The following MYH6 variants were observed in gnomAD, a reference collection of about 807,000 sequenced individuals.
MYH6 encodes the protein myosin-6.
A neutral mutation model predicts 223.2 loss-of-function variants in MYH6; 126 were observed. The observed-to-expected ratio is 0.56, with a 90% CI of 0.49 to 0.65. The LOEUF (loss-of-function observed/expected upper bound fraction) is 0.65. Ranked by LOEUF, MYH6 falls within the 30% of genes least tolerant of loss-of-function variation. The pLI, the probability that MYH6 is intolerant of heterozygous loss-of-function variation, is 0.00. For synonymous variants in MYH6, 978 were observed against 1,010.2 expected (o/e 0.97, Z 0.61); for missense variants, 2,040 against 2,536.4 (o/e 0.80, Z 4.20).
chr14:23,387,191 C>T (rs1322639944), intron 32 of MYH6, among the ~76,000 whole-genome samples: 1 of 152,166 alleles, frequency 6.6e-6, no homozygotes, highest in Non-Finnish European at 1.5e-5. Context: ...CCCAACGCTG[C>T]AGTGAAAGTC....
rs200235378 is a variant in MYH6 at position 23,400,292 on chromosome 14, G to A, written c.1545C>T (p.Gly515=). Residue 515 remains glycine, a synonymous_variant, in exon 14 of 39, where the codon GGC becomes GGT. Coordinates refer to ENST00000405093, the MANE Select transcript of MYH6 (RefSeq NM_002471.4). ...GGTCAATGCAGGCCTGCAGGTCCATGCCAAAGTCAATGAATGTCCACTCAA... is the reference window on the plus strand; with the variant it reads ...GGTCAATGCAGGCCTGCAGGTCCATACCAAAGTCAATGAATGTCCACTCAA... The part of the protein sequence containing the change: ...EGIEWTFIDF[G]MDLQACIDLI... 8 of 1,614,248 alleles carry A rather than the reference G, an allele frequency of 5.0e-6. No individual in the cohort carries two copies. Among genetic ancestry groups the A allele is most frequent in the Middle Eastern group, 3.3e-4 (2 of 6,062 alleles).
intron 12 of MYH6, 40 bp from the exon 13 acceptor site, chr14:23,401,017 T>G: frequency 2.5e-6 from 4 of 1,604,288 alleles, no homozygotes; most frequent in East Asian, 2.2e-5. Context: ...CTTCCTTTTT[T>G]TTTTTTTAAG....
chr14:23,400,784 G>T lies in MYH6; in HGVS notation c.1335C>A (p.Asn445Lys). The change falls in exon 13 of 39, where the codon AAC becomes AAA. Residue 445 changes from asparagine to lysine, a missense_variant. This residue lies in a region of MYH6 where 649 missense variants were observed against 877.3 expected (regional missense o/e 0.74). Transcript: ENST00000405093. ...GTGGCTGCTTGGTCTCCAGGGTGGCGTTGATGCGCGTCACCATCCAGTTGA... is the reference window on the plus strand; with the variant it reads ...GTGGCTGCTTGGTCTCCAGGGTGGCTTTGATGCGCGTCACCATCCAGTTGA... ...KMFNWMVTRINATLETKQPRQ... is the reference protein window; with the variant it reads ...KMFNWMVTRIKATLETKQPRQ... The T allele has an allele frequency of 6.2e-7, 1 of 1,614,240 alleles. No individual in the cohort carries two copies. The highest frequency in any genetic ancestry group is 8.5e-7 in the Non-Finnish European group (1 of 1,180,048).
rs763445671 is a variant in MYH6 at position 23,404,698 on chromosome 14, T to A, written c.642+13A>T. ...CAACCCCTGTTCTGCCGAGCCTGTG[T>A]CCCCCATGGCACCTTGTTCGCATTG... On this transcript the variant is annotated intron_variant, in intron 7 of 38. Coordinates refer to ENST00000405093, the MANE Select transcript of MYH6 (RefSeq NM_002471.4). The A allele has an allele frequency of 6.2e-7, 1 of 1,611,822 alleles. No homozygotes were observed.
rs746861626 is a variant in MYH6, at chr14:23,390,159, G to A, written c.3630C>T (p.Asp1210=). ...DSVAELGEQI[D]NLQRVKQKLE... ...GCTTCTGCTTCACCCGCTGCAGGTT[G>A]TCGATCTGCTCGCCCAGCTCGGCCA... The change falls in exon 26 of 39, where the codon GAC becomes GAT. Residue 1210 remains aspartate, a synonymous_variant. Transcript: ENST00000405093. The A allele has an allele frequency of 1.2e-6, 2 of 1,610,258 alleles. No homozygotes were observed. Among genetic ancestry groups the A allele is most frequent in the South Asian group, 1.1e-5 (1 of 90,948 alleles).
In MYH6 at chr14:23,383,338, GGA is replaced by G; in HGVS notation, c.5566-20_5566-19del. 1 of 421,644 alleles carries G rather than the reference GGA, an allele frequency of 2.4e-6. No homozygotes were observed. Among genetic ancestry groups the G allele is most frequent in the Non-Finnish European group, 4.8e-6 (1 of 206,216 alleles). The allele number at this position is 421,644 out of a possible 1,614,324, so 26.1% of individuals were successfully genotyped here. On this transcript the variant is annotated intron_variant, in intron 36 of 38. Coordinates refer to ENST00000405093, the MANE Select transcript of MYH6 (RefSeq NM_002471.4). ...TCCTCTGTCTGGGGGTGGGAGGGTG[GGA>G]GAAGCTGGTTTGGAGGGGGAGCAAA...
chr14:23,383,339 G>GGGGCCCCCCCCCCC lies in MYH6; in HGVS notation c.5566-20_5566-19insGGGGGGGGGGGCCC. 2 of 108,186 alleles carry GGGGCCCCCCCCCCC rather than the reference G, an allele frequency of 1.8e-5. No homozygotes were observed. Among genetic ancestry groups the GGGGCCCCCCCCCCC allele is most frequent in the Non-Finnish European group, 3.7e-5 (2 of 54,374 alleles). 6.7% of individuals were successfully genotyped at this position (108,186 alleles called of 1,614,324 possible). ...CCTCTGTCTGGGGGTGGGAGGGTGGGAGAAGCTGGTTTGGAGGGGGAGCAA... is the reference window on the plus strand; with the variant it reads ...CCTCTGTCTGGGGGTGGGAGGGTGGGGGGCCCCCCCCCCCAGAAGCTGGTTTGGAGGGGGAGCAA... On this transcript the variant is annotated intron_variant, in intron 36 of 38. Coordinates refer to ENST00000405093, the MANE Select transcript of MYH6 (RefSeq NM_002471.4).
In MYH6 at chr14:23,386,595, A is replaced by C; in HGVS notation, c.4679T>G (p.Ile1560Ser). ...GTTGAACTCTAGCTGGGCCCGGAGGATCTTGCCCTCCTCGTGCTCCAGGGA... is the reference window on the plus strand; with the variant it reads ...GTTGAACTCTAGCTGGGCCCGGAGGCTCTTGCCCTCCTCGTGCTCCAGGGA... ...EASLEHEEGK[I>S]LRAQLEFNQI... is the part of the protein sequence containing the mutation. The change falls in exon 33 of 39, where the codon ATC (isoleucine) becomes AGC (serine). Residue 1560 changes from isoleucine to serine, a missense_variant. Coordinates refer to ENST00000405093, the MANE Select transcript of MYH6 (RefSeq NM_002471.4). 1 of 1,607,972 alleles carries C rather than the reference A, an allele frequency of 6.2e-7. No homozygotes were observed. Among genetic ancestry groups the C allele is most frequent in the Non-Finnish European group, 8.5e-7 (1 of 1,175,952 alleles).
chr14:23,392,808 A>G (rs2138597053), intron 24 of MYH6, 104 bp downstream of exon 24: 2 of 1,551,918 alleles, frequency 1.3e-6, no homozygotes, highest in East Asian at 2.2e-5. Flanking sequence ...CCTTATTCCC[A>G]GCATACCCAA....
intron 10 of MYH6, among the ~76,000 whole-genome samples, chr14:23,403,049 G>A (rs1241752573): frequency 2.0e-5 from 3 of 151,818 alleles, no homozygotes; most frequent in Non-Finnish European, 2.9e-5. Context: ...GGGTGGCAGG[G>A]GAGTGACACA....
Position 23,392,663 on chromosome 14 carries a change from A to AGGGG in MYH6, c.3252-12_3252-11insCCCC. On this transcript the variant is annotated splice_polypyrimidine_tract_variant and intron_variant, in intron 24 of 38. Transcript: ENST00000405093. ...ATGTCAAACTCCTTCCTGCAGGAGA[A>AGGGG]GGGTGGGGGTGGGGGAGTGACAGGT... The AGGGG allele has an allele frequency of 1.9e-6, 1 of 521,850 alleles. No individual in the cohort carries two copies. Among genetic ancestry groups the AGGGG allele is most frequent in the Admixed American group, 3.2e-5 (1 of 31,424 alleles). 32.3% of individuals were successfully genotyped at this position (521,850 alleles called of 1,614,324 possible). A position where few individuals can be genotyped will look rare whatever the true frequency, so the allele number is the denominator to read the frequency against.
At position 23,405,002 on chromosome 14, in the gene MYH6, C is replaced by A. The variant is rs561861631; in HGVS notation, c.530+98G>T. On this transcript the variant is annotated intron_variant, in intron 6 of 38. Transcript: ENST00000405093. This position sits in a 1 kb window ranked among gnomAD's most constrained non-coding sequence, Gnocchi z 4.7. ...AGAGCTCAGTGCCCCATGCTCCCTG[C>A]AATCCCAGCCTTAAACCTCTCCTCC... The A allele has an allele frequency of 4.4e-5, 70 of 1,583,104 alleles. No individual in the cohort carries two copies. The African/African-American group carries it at 7.9e-4, about 18-fold the overall frequency.
rs776140000 is a variant in MYH6, at chr14:23,392,989, C to T, written c.3174G>A (p.Glu1058=). The part of the protein sequence containing the change: ...MDLERAKRKL[E]GDLKLTQESI... ...TCTCCTGGGTCAGCTTCAGGTCGCCCTCCAGTTTCCGCTTTGCTCGCTCCA... is the reference window on the plus strand; with the variant it reads ...TCTCCTGGGTCAGCTTCAGGTCGCCTTCCAGTTTCCGCTTTGCTCGCTCCA... The change falls in exon 24 of 39, where the codon GAG becomes GAA. Residue 1058 remains glutamate (E), a synonymous_variant. Coordinates refer to ENST00000405093, the MANE Select transcript of MYH6 (RefSeq NM_002471.4). The T allele has an allele frequency of 1.9e-6, 3 of 1,614,102 alleles. No individual in the cohort carries two copies. Among genetic ancestry groups the T allele is most frequent in the African/African-American group, 1.3e-5 (1 of 74,916 alleles).
At position 23,394,117 on chromosome 14, in the gene MYH6, A is replaced by G. The variant is rs1891323422; in HGVS notation, c.2636T>C (p.Met879Thr). 1 of 1,614,042 alleles carries G rather than the reference A, an allele frequency of 6.2e-7. No individual in the cohort carries two copies. Among genetic ancestry groups the G allele is most frequent in the African/African-American group, 1.3e-5 (1 of 74,910 alleles). ...ATTCTTCTCCTGCAGCAGGGACACC[A>G]TCTTCTCCTCCAGCTCCTTGCGGCG... Reference protein sequence around the residue: ...EARRKELEEKMVSLLQEKNDL... With the variant: ...EARRKELEEKTVSLLQEKNDL... The change falls in exon 21 of 39, where the codon ATG becomes ACG. Residue 879 changes from methionine (M) to threonine (T), a missense_variant. This residue lies in a region of MYH6 where 1,203 missense variants were observed against 1,400.2 expected (regional missense o/e 0.86). Coordinates refer to ENST00000405093, the MANE Select transcript of MYH6 (RefSeq NM_002471.4).
At position 23,388,812 on chromosome 14, in the gene MYH6, G is replaced by T. The variant is rs373553416; in HGVS notation, c.4175+47C>A. On this transcript the variant is annotated intron_variant, in intron 29 of 38. Transcript: ENST00000405093. The stretch of plus-strand genomic sequence containing the variant: ...GCCTGTCCCCACCCCAGGTCCTCTC[G>T]CCCCTTCCTCTCTGAGAGTCAGGTT... 9.3e-6 allele frequency: 15 copies of T among 1,613,356 alleles called. No homozygotes were observed. In the African/African-American group the frequency reaches 1.1e-4, roughly 11 times the overall value.
intron 34 of MYH6, 143 bp from the exon 35 acceptor site, chr14:23,385,184 C>T (rs1890984369): frequency 2.0e-6 from 2 of 981,560 alleles, no homozygotes; most frequent in South Asian, 1.4e-5. Flanking sequence ...CGTTTTGTAC[C>T]TGCTTTCCCT....
chr14:23,386,746 G>A, intron 32 of MYH6, 123 bp from the exon 33 acceptor site: 1 of 1,266,876 alleles, frequency 7.9e-7, no homozygotes, highest in Non-Finnish European at 1.1e-6. Flanking sequence ...GAAGAGATGG[G>A]GAGGTGGGAT....
chr14:23,382,340 G>C, intron 38 of MYH6, 88 bp downstream of exon 38: 1 of 1,582,768 alleles, frequency 6.3e-7, no homozygotes, highest in South Asian at 1.1e-5. Context: ...CCTACATATA[G>C]GGCAAGCAGT....
At chr14:23,398,155 C>A (rs1891486629) in intron 15 of MYH6, among the ~76,000 whole-genome samples, 1 of 151,930 alleles carries the variant, frequency 6.6e-6, no homozygotes, top group Non-Finnish European at 1.5e-5. Flanking sequence ...GTGGCTGGGA[C>A]TACAGGCAGG....
Sources: allele counts gnomAD v4.1 joint callset (sites outside exome capture counted in the v4.1 genomes callset), GRCh38; gene constraint gnomAD v4.1.1; regional missense constraint gnomAD v4.1.1; non-coding constraint Gnocchi (gnomAD v3.1); transcripts MANE v1.5; gene names NCBI Gene and HGNC (gene_info 2026-07-23, HGNC 2026-07-21).